The following MYT1L variants were observed in gnomAD, a reference collection of about 807,000 sequenced individuals.
The protein encoded by MYT1L is myelin transcription factor 1 like.
Under a neutral mutation model 126.7 loss-of-function variants are expected in MYT1L, and 12 were observed. The ratio of observed to expected loss-of-function variants is 0.09; its 90% CI spans 0.06 to 0.15. The LOEUF is 0.15. MYT1L is among the 10% of genes least tolerant of loss of function. The pLI is 1.00. For synonymous variants in MYT1L, 541 were observed against 604.2 expected (o/e 0.90, Z 1.53); for missense variants, 979 against 1,585.2 (o/e 0.62, Z 6.49).
intron 3 of MYT1L, among the ~76,000 whole-genome samples, chr2:2,142,816 A>AT (rs1316888755): frequency 6.6e-6 from 1 of 151,834 alleles, no homozygotes; most frequent in Non-Finnish European, 1.5e-5. Flanking sequence ...ACTCCCAAGT[A>AT]GCTGGGATTA....
intron 4 of MYT1L, among the ~76,000 whole-genome samples, chr2:2,038,194 A>T (rs183348160): frequency 6.6e-6 from 1 of 152,328 alleles, no homozygotes; most frequent in Non-Finnish European, 1.5e-5. Flanking sequence ...TGCACTGTTT[A>T]AGATTGACTT....
intron 13 of MYT1L, among the ~76,000 whole-genome samples, chr2:1,908,908 G>A (rs2051491781): frequency 6.6e-6 from 1 of 151,998 alleles, no homozygotes; most frequent in Admixed American, 6.6e-5. Flanking sequence ...TTGATAGTAG[G>A]GTCATAGATG....
At chr2:2,069,225 C>T (rs2074290198) in intron 3 of MYT1L, among the ~76,000 whole-genome samples, 1 of 152,084 alleles carries the variant, frequency 6.6e-6, no homozygotes. Flanking sequence ...CTCTCCTAGC[C>T]CCCGACACCC....
chr2:1,973,104 A>G (rs921484132), intron 8 of MYT1L, among the ~76,000 whole-genome samples: 8 of 152,192 alleles, frequency 5.3e-5, no homozygotes, highest in African/African-American at 1.9e-4. Context: ...CACAAAACAG[A>G]CATGTGAGGA....
intron 1 of MYT1L, among the ~76,000 whole-genome samples, chr2:2,293,989 C>T (rs947011089): frequency 1.3e-5 from 2 of 152,072 alleles, no homozygotes; most frequent in Non-Finnish European, 1.5e-5. Flanking sequence ...GGGCCCCCCG[C>T]TTTCAGTGGA....
intron 18 of MYT1L, among the ~76,000 whole-genome samples, chr2:1,861,592 C>CTCTGCCTGCAGCCTGTGTAATCCTAGA (rs1405104245): frequency 9.5e-5 from 14 of 147,934 alleles, no homozygotes; most frequent in African/African-American, 1.5e-4. Flanking sequence ...AGACGCTGTG[C>CTCTGCCTGCAGCCTGTGTAATCCTAGA]TCTGCCTGCA....
intron 21 of MYT1L, among the ~76,000 whole-genome samples, chr2:1,810,443 A>G (rs2036425318): frequency 4.6e-5 from 7 of 152,074 alleles, no homozygotes; most frequent in Admixed American, 4.6e-4. Flanking sequence ...CCCCGCCTAT[A>G]ATGTTTTATA....
rs143048272 is a variant in MYT1L at position 2,241,584 on chromosome 2, T to A, written c.-421+42820A>T. On this transcript the variant is annotated intron_variant, in intron 2 of 24. Transcript: ENST00000647738. ...CACATAAGACTCATAAGGTAGCAGATACAGGAATCCAAATGCGTTTCTTTC... is the reference window on the plus strand; with the variant it reads ...CACATAAGACTCATAAGGTAGCAGAAACAGGAATCCAAATGCGTTTCTTTC... Among the ~76,000 whole-genome samples, 266 of 152,350 alleles carry A rather than the reference T, an allele frequency of 1.7e-3. 1 individual carries two copies. Among genetic ancestry groups the A allele is most frequent in the African/African-American group, 6.1e-3 (253 of 41,586 alleles).
At chr2:1,919,710 T>C (rs957088363) in intron 10 of MYT1L, among the ~76,000 whole-genome samples, 1 of 151,346 alleles carries the variant, frequency 6.6e-6, no homozygotes, top group Non-Finnish European at 1.5e-5. Context: ...ACAATTTTAG[T>C]TTTAATTTAA....
At chr2:2,068,347 A>G (rs1466504307) in intron 3 of MYT1L, among the ~76,000 whole-genome samples, 1 of 152,140 alleles carries the variant, frequency 6.6e-6, no homozygotes, top group East Asian at 1.9e-4. Flanking sequence ...AACTCAGTGC[A>G]TAGACAAACT....
At chr2:2,279,609 GA>G (rs2095419891) in intron 2 of MYT1L, among the ~76,000 whole-genome samples, 1 of 149,178 alleles carries the variant, frequency 6.7e-6, no homozygotes, top group Admixed American at 6.8e-5. Flanking sequence ...AGGAAGGAAG[GA>G]ATCAAGATTA....
Position 1,978,394 on chromosome 2 carries a change from T to C in MYT1L, c.152+771A>G, listed in dbSNP as rs543735622. ...CTTTTACCTCACTATAATTGAAACC[T>C]TTCTATTGAAAGACACATCTTCATG... On this transcript the variant is annotated intron_variant, in intron 8 of 24. Coordinates refer to ENST00000647738, the MANE Select transcript of MYT1L (RefSeq NM_001303052.2). Among the ~76,000 whole-genome samples, 67 of 152,336 alleles carry C rather than the reference T, an allele frequency of 4.4e-4. 1 individual carries two copies. Among genetic ancestry groups the C allele is most frequent in the Non-Finnish European group, 2.4e-4 (16 of 68,036 alleles).
chr2:2,316,504 C>G (rs1231793740), intron 1 of MYT1L, among the ~76,000 whole-genome samples: 1 of 152,206 alleles, frequency 6.6e-6, no homozygotes, highest in South Asian at 2.1e-4. Flanking sequence ...AAGGATCATG[C>G]CAAGCCATGT....
chr2:2,146,353 A>C (rs1205459278), intron 3 of MYT1L, among the ~76,000 whole-genome samples: 1 of 152,136 alleles, frequency 6.6e-6, no homozygotes, highest in East Asian at 1.9e-4. Context: ...AGACGATAGG[A>C]GTGAGTGTGG....
rs1340680762 is a variant in MYT1L at position 2,204,602 on chromosome 2, T to C, written c.-420-31614A>G. Among the ~76,000 whole-genome samples the C allele has an allele frequency of 2.8e-5, 4 of 142,986 alleles. No individual in the cohort carries two copies. In the South Asian group the frequency reaches 8.5e-4, roughly 30 times the overall value. The allele number at this position is 142,986 out of a possible 152,430, so 93.8% of individuals were successfully genotyped here. ...AGTTAGAATGGCAATCATTAAAAAG[T>C]AAGGAAACAACAGGTGCTGGAGAGG... On this transcript the variant is annotated intron_variant, in intron 2 of 24. Coordinates refer to ENST00000647738, the MANE Select transcript of MYT1L (RefSeq NM_001303052.2).
chr2:1,916,715 AC>A (rs1028389560), intron 11 of MYT1L, among the ~76,000 whole-genome samples: 1 of 152,154 alleles, frequency 6.6e-6, no homozygotes, highest in African/African-American at 2.4e-5. Context: ...ATGACATGAG[AC>A]AGACTTTACA....
chr2:1,911,371 TGG>T (rs2149026588), intron 12 of MYT1L, among the ~76,000 whole-genome samples: 1 of 152,322 alleles, frequency 6.6e-6, no homozygotes, highest in South Asian at 2.1e-4. Context: ...AATCACTTTT[TGG>T]CCTCTGGGAA....
intron 2 of MYT1L, among the ~76,000 whole-genome samples, chr2:2,221,259 T>C (rs1242842177): frequency 2.6e-5 from 4 of 152,148 alleles, no homozygotes; most frequent in African/African-American, 9.7e-5. Context: ...GCCGCTGGCA[T>C]AGATTTAGTC....
At chr2:1,897,024 C>T (rs1024714219) in intron 14 of MYT1L, among the ~76,000 whole-genome samples, 2 of 152,152 alleles carry the variant, frequency 1.3e-5, no homozygotes, top group African/African-American at 4.8e-5. Flanking sequence ...GAATTTTAGT[C>T]GGTGACTGAA....
Sources: gnomAD v4.1 joint callset for allele counts (sites outside exome capture counted in the v4.1 genomes callset) on GRCh38, gnomAD v4.1.1 for gene constraint, MANE v1.5 for transcripts, NCBI Gene and HGNC (gene_info 2026-07-23, HGNC 2026-07-21) for gene names.